Variants in DCAF8L2 observed in about 807,000 individuals in gnomAD.
DCAF8L2 encodes DDB1 and CUL4 associated factor 8 like 2.
For synonymous variants in DCAF8L2, 200 were observed against 190.9 expected (o/e 1.05, Z -0.39); for missense variants, 430 against 490.7 (o/e 0.88, Z 1.17).
the DCAF8L2 span, among the ~76,000 whole-genome samples, chrX:27,472,167 G>A: frequency 0.041 from 4,533 of 110,824 alleles, 244 homozygotes; most frequent in African/African-American, 0.14. Flanking sequence ...TCTTTAAATA[G>A]GTACAGAAGT....
At chrX:27,606,122 A>G (rs1926857185) in intron 1 of DCAF8L2, among the ~76,000 whole-genome samples, 1 of 103,360 alleles carries the variant, frequency 9.7e-6, no homozygotes, top group Non-Finnish European at 2.0e-5. Flanking sequence ...TGATTGTCTT[A>G]AAAACTTAAT....
chrX:27,694,891 G>A (rs892307210), intron 3 of DCAF8L2, among the ~76,000 whole-genome samples: 3 of 111,942 alleles, frequency 2.7e-5, no homozygotes, highest in African/African-American at 9.7e-5. Flanking sequence ...CACTTGAAAC[G>A]TAAACATGCC....
At chrX:27,725,979 A>G (rs1216818791) in intron 4 of DCAF8L2, among the ~76,000 whole-genome samples, 2 of 111,664 alleles carry the variant, frequency 1.8e-5, no homozygotes, top group African/African-American at 6.5e-5. Context: ...AACAAGAGAA[A>G]TGAGTTAGCA....
the DCAF8L2 span, among the ~76,000 whole-genome samples, chrX:27,514,708 A>AC: frequency 1.3e-4 from 11 of 86,686 alleles, no homozygotes; most frequent in South Asian, 4.5e-4. Flanking sequence ...AAAAAAAAAA[A>AC]CAGAGTGAAA....
In DCAF8L2 at chrX:27,723,774, T is replaced by C. The variant is rs1190523680; in HGVS notation, c.-59+7603T>C. 3.6e-5 allele frequency among the ~76,000 whole-genome samples: 4 copies of C among 111,417 alleles called. No individual in the cohort carries two copies. In the East Asian group the frequency reaches 1.1e-3, roughly 31 times the overall value. Reference sequence around the variant, plus strand: ...ATGATATATGAACAGGATTACTCATTGAGACACTGTAATAGTAAACAACTG... The same window carrying C: ...ATGATATATGAACAGGATTACTCATCGAGACACTGTAATAGTAAACAACTG... On this transcript the variant is annotated intron_variant, in intron 4 of 4. Transcript: ENST00000451261.
the DCAF8L2 span, among the ~76,000 whole-genome samples, chrX:27,502,335 AAT>A: frequency 9.3e-3 from 118 of 12,699 alleles, 1 homozygote; most frequent in Admixed American, 0.011. Context: ...AAAAAAAAAA[AAT>A]ATATATATAT....
chrX:27,641,434 A>ATTTCTTTTCT (rs1388842301), intron 2 of DCAF8L2, among the ~76,000 whole-genome samples: 1 of 93,165 alleles, frequency 1.1e-5, no homozygotes, highest in African/African-American at 3.8e-5. Flanking sequence ...AGCCTGCTAT[A>ATTTCTTTTCT]TTTCTTTTCT....
At chrX:27,724,350 A>C (rs1382589621) in intron 4 of DCAF8L2, among the ~76,000 whole-genome samples, 6 of 111,099 alleles carry the variant, frequency 5.4e-5, no homozygotes, top group African/African-American at 1.6e-4. Flanking sequence ...GGCTTTATAT[A>C]TTTCTCAACT....
the DCAF8L2 span, among the ~76,000 whole-genome samples, chrX:27,549,681 A>C: frequency 9.0e-6 from 1 of 111,698 alleles, no homozygotes; most frequent in Non-Finnish European, 1.9e-5. Context: ...TTATACATAC[A>C]TATTGCACAA....
rs1368279149 is a variant in DCAF8L2 at position 27,613,042 on chromosome X, G to A, written c.-341-18837G>A. Among the ~76,000 whole-genome samples, 34 of 111,757 alleles carry A rather than the reference G, an allele frequency of 3.0e-4. 1 individual carries two copies. The Admixed American group carries it at 3.1e-3, about 10-fold the overall frequency. On this transcript the variant is annotated intron_variant, in intron 1 of 4. Transcript: ENST00000451261. ...TTGAATCTATAAATTACTTTGGGCA[G>A]TATGGCCATTTTCACAATATTGATT...
chrX:27,514,694 A>T, the DCAF8L2 span, among the ~76,000 whole-genome samples: 2 of 75,925 alleles, frequency 2.6e-5, no homozygotes, highest in Non-Finnish European at 4.6e-5. Context: ...AAAAAAAAAA[A>T]ACAAAAAAAA....
At chrX:27,580,087 G>T in the DCAF8L2 span, among the ~76,000 whole-genome samples, 5 of 109,583 alleles carry the variant, frequency 4.6e-5, no homozygotes, top group South Asian at 1.5e-3. Context: ...AGCTTTTTTG[G>T]GTCTTCAGTA....
intron 1 of DCAF8L2, among the ~76,000 whole-genome samples, chrX:27,626,594 A>G (rs1928018583): frequency 8.9e-6 from 1 of 112,209 alleles, no homozygotes; most frequent in South Asian, 3.7e-4. Flanking sequence ...AATTACCTAA[A>G]GTATCTAAAC....
intron 2 of DCAF8L2, among the ~76,000 whole-genome samples, chrX:27,669,445 CTTATTTATTCAT>C (rs1488370329): frequency 1.3e-3 from 133 of 106,366 alleles, no homozygotes; most frequent in African/African-American, 4.0e-3. Flanking sequence ...CCCAATATTT[CTTATTTATTCAT>C]TTATTTATTT....
chrX:27,704,279 C>CAT (rs1246747987), intron 3 of DCAF8L2, among the ~76,000 whole-genome samples: 92 of 83,966 alleles, frequency 1.1e-3, no homozygotes, highest in Non-Finnish European at 1.4e-3. Flanking sequence ...TATATATGTA[C>CAT]ATATATATAT....
At chrX:27,474,004 A>C in the DCAF8L2 span, among the ~76,000 whole-genome samples, 1 of 110,960 alleles carries the variant, frequency 9.0e-6, no homozygotes, top group African/African-American at 3.3e-5. Flanking sequence ...CTAGGGCTCT[A>C]ATGTTCAGGC....
intron 2 of DCAF8L2, among the ~76,000 whole-genome samples, chrX:27,662,678 C>T (rs1929597317): frequency 9.0e-6 from 1 of 111,346 alleles, no homozygotes; most frequent in Non-Finnish European, 1.9e-5. Flanking sequence ...TCTAGAAATT[C>T]CTAGGTGTGG....
chrX:27,581,595 T>G, the DCAF8L2 span, among the ~76,000 whole-genome samples: 2 of 108,849 alleles, frequency 1.8e-5, no homozygotes, highest in Non-Finnish European at 3.8e-5. Context: ...TACAATTTTT[T>G]TTTTTTTTTT....
chrX:27,571,766 A>G, the DCAF8L2 span, among the ~76,000 whole-genome samples: 1 of 111,501 alleles, frequency 9.0e-6, no homozygotes, highest in Non-Finnish European at 1.9e-5. Flanking sequence ...AAGAAATCCA[A>G]CTATCCTGTT....
Sources: allele counts gnomAD v4.1 joint callset (sites outside exome capture counted in the v4.1 genomes callset), GRCh38; gene constraint gnomAD v4.1.1; transcripts MANE v1.5; gene names NCBI Gene and HGNC (gene_info 2026-07-23, HGNC 2026-07-21).